PDLIM5: variants seen among roughly 807,000 people sequenced by gnomAD.
The protein encoded by PDLIM5 is PDZ and LIM domain 5.
PDLIM5 carries 34 observed loss-of-function variants against 64.2 expected under a neutral mutation model. That is an observed-to-expected ratio of 0.53 (90% CI 0.40 to 0.71). PDLIM5 has a LOEUF of 0.71. PDLIM5 is among the 30% of genes least tolerant of loss of function. The pLI is 0.00. For synonymous variants in PDLIM5, 253 were observed against 269.1 expected (o/e 0.94, Z 0.59); for missense variants, 683 against 733.6 (o/e 0.93, Z 0.80).
At position 94,529,375 on chromosome 4, in the gene PDLIM5, G is replaced by C. The variant is rs189559240; in HGVS notation, c.248+5500G>C. 2.0e-5 allele frequency among the ~76,000 whole-genome samples: 3 copies of C among 152,058 alleles called. No individual in the cohort carries two copies. In the East Asian group the frequency reaches 5.8e-4, roughly 29 times the overall value. ...ATTCCCAAGGAGAGAACGAAACCCA[G>C]TTTTTGTTTTTGAAAAGAAAATTAC... is the stretch of plus-strand genomic sequence containing the variant. On this transcript the variant is annotated intron_variant, in intron 3 of 12. Transcript: ENST00000317968.
intron 7 of PDLIM5, among the ~76,000 whole-genome samples, chr4:94,588,630 A>C (rs1379797335): frequency 1.3e-5 from 2 of 152,088 alleles, no homozygotes; most frequent in Non-Finnish European, 2.9e-5. Flanking sequence ...ATCATGTTTG[A>C]TTTTCCCCCT....
chr4:94,481,118 A>G (rs1051480379), intron 2 of PDLIM5, among the ~76,000 whole-genome samples: 6 of 152,224 alleles, frequency 3.9e-5, no homozygotes, highest in African/African-American at 1.4e-4. Context: ...TTTCCTTTAC[A>G]TTTTTAAATA....
At chr4:94,512,563 C>T (rs924667200) in intron 2 of PDLIM5, among the ~76,000 whole-genome samples, 3 of 152,028 alleles carry the variant, frequency 2.0e-5, no homozygotes, top group South Asian at 4.2e-4. Context: ...GCCATTTGTA[C>T]GTCTTTTGAG....
chr4:94,594,647 AT>A (rs1000601445), intron 7 of PDLIM5, among the ~76,000 whole-genome samples: 1 of 152,094 alleles, frequency 6.6e-6, no homozygotes, highest in Non-Finnish European at 1.5e-5. Flanking sequence ...GTCAAAGTAT[AT>A]TTAAGTTAAA....
chr4:94,569,845 A>C (rs1416995503), intron 3 of PDLIM5, among the ~76,000 whole-genome samples: 6 of 152,172 alleles, frequency 3.9e-5, no homozygotes, highest in African/African-American at 1.4e-4. Context: ...TTTCTTTCTT[A>C]GTGATTTTCA....
At position 94,656,537 on chromosome 4, in the gene PDLIM5, AT is replaced by A. The variant is rs796465497; in HGVS notation, c.1465-885del. On this transcript the variant is annotated intron_variant, in intron 10 of 12. Coordinates refer to ENST00000317968, the MANE Select transcript of PDLIM5 (RefSeq NM_006457.5). ...TGTTAAACTGATTGGATTACATTAT[AT>A]TTTTATTATATTTTATTACATTATA... 3.0e-4 allele frequency among the ~76,000 whole-genome samples: 45 copies of A among 150,116 alleles called. No individual in the cohort carries two copies. The South Asian group carries it at 4.0e-3, about 13-fold the overall frequency.
chr4:94,553,300 G>T (rs556334538), intron 3 of PDLIM5, among the ~76,000 whole-genome samples: 9 of 151,906 alleles, frequency 5.9e-5, no homozygotes, highest in Non-Finnish European at 1.3e-4. Flanking sequence ...ATAGAGACAG[G>T]GTTTAGCCAT....
chr4:94,494,129 A>AT (rs1727118464), intron 2 of PDLIM5, among the ~76,000 whole-genome samples: 1 of 151,584 alleles, frequency 6.6e-6, no homozygotes, highest in African/African-American at 2.4e-5. Flanking sequence ...ATGGTGAATT[A>AT]TTGTTTTTGT....
intron 3 of PDLIM5, among the ~76,000 whole-genome samples, chr4:94,547,884 A>T (rs1732462423): frequency 6.6e-6 from 1 of 152,194 alleles, no homozygotes; most frequent in Non-Finnish European, 1.5e-5. Flanking sequence ...TACCAGAGTC[A>T]TTCAGGACTA....
chr4:94,575,464 C>T (rs1011071366), intron 4 of PDLIM5, 152 bp from the exon 5 acceptor site: 5 of 585,972 alleles, frequency 8.5e-6, no homozygotes, highest in African/African-American at 7.4e-5. Flanking sequence ...TATGCTTTAT[C>T]AGCCCATTGT....
intron 9 of PDLIM5, among the ~76,000 whole-genome samples, chr4:94,654,132 A>G (rs934564351): frequency 1.3e-5 from 2 of 152,174 alleles, no homozygotes; most frequent in Non-Finnish European, 2.9e-5. Context: ...GTCACAGTTA[A>G]CATCCTCATT....
intron 7 of PDLIM5, chr4:94,608,231 A>G (rs753755683): frequency 2.3e-6 from 3 of 1,286,434 alleles, no homozygotes; most frequent in Non-Finnish European, 3.2e-6. Flanking sequence ...AGTGAATTTA[A>G]ATATACTAAA....
chr4:94,514,623 C>T (rs10019354), intron 2 of PDLIM5, among the ~76,000 whole-genome samples: 51,788 of 151,970 alleles, frequency 0.34, 11,576 homozygotes, highest in African/African-American at 0.65. Context: ...TGTATTAGTT[C>T]TTCAGATGTT....
At chr4:94,626,037 G>T (rs1295402439) in intron 8 of PDLIM5, among the ~76,000 whole-genome samples, 4 of 152,264 alleles carry the variant, frequency 2.6e-5, no homozygotes, top group Non-Finnish European at 5.9e-5. Flanking sequence ...TAAAAGTTGT[G>T]ACCATTTGAA....
chr4:94,662,606 A>C, intron 12 of PDLIM5, 69 bp downstream of exon 12: 1 of 659,464 alleles, frequency 1.5e-6, no homozygotes, highest in Non-Finnish European at 2.8e-6. Context: ...TATTTAATGG[A>C]AATATCAGCT....
At chr4:94,564,943 G>A (rs28740868) in intron 3 of PDLIM5, among the ~76,000 whole-genome samples, 94,367 of 151,910 alleles carry the variant, frequency 0.62, 31,445 homozygotes, top group African/African-American at 0.87. Flanking sequence ...GGCATGAGCC[G>A]CCACGCCCAG....
At chr4:94,608,283 C>A in intron 7 of PDLIM5, 2 of 626,500 alleles carry the variant, frequency 3.2e-6, no homozygotes, top group Non-Finnish European at 5.1e-6. Flanking sequence ...ACAGAACGGA[C>A]ATCATTAACC....
chr4:94,631,141 G>A (rs567075491), intron 8 of PDLIM5, among the ~76,000 whole-genome samples: 1 of 150,270 alleles, frequency 6.7e-6, no homozygotes. Flanking sequence ...AGCCTCAAGT[G>A]AGCCTCCTAC....
At chr4:94,562,406 A>G (rs1479673833) in intron 3 of PDLIM5, among the ~76,000 whole-genome samples, 2 of 152,194 alleles carry the variant, frequency 1.3e-5, no homozygotes, top group African/African-American at 4.8e-5. Flanking sequence ...TACAAAATGT[A>G]TTTCTGATAC....
Sources: gnomAD v4.1 joint callset for allele counts (sites outside exome capture counted in the v4.1 genomes callset) on GRCh38, gnomAD v4.1.1 for gene constraint, MANE v1.5 for transcripts, NCBI Gene and HGNC (gene_info 2026-07-23, HGNC 2026-07-21) for gene names.